Variants in TENM2 observed in about 807,000 individuals in gnomAD.
TENM2 encodes the protein teneurin transmembrane protein 2.
Under a neutral mutation model 245.2 loss-of-function variants are expected in TENM2, and 52 were observed. The ratio of observed to expected loss-of-function variants is 0.21; its 90% confidence interval spans 0.17 to 0.27. TENM2 has a LOEUF of 0.27. TENM2 is among the 10% of genes least tolerant of loss of function. The probability of loss-of-function intolerance (pLI) is 1.00; values close to 1 mark genes in which losing one functional copy is unlikely to be tolerated. For missense variants in TENM2, 3,046 were observed against 3,666.8 expected (o/e 0.83, Z 4.37); for synonymous variants, 1,363 against 1,438.9 (o/e 0.95, Z 1.19).
chr5:167,559,822 G>A (rs10051918), intron 2 of TENM2, among the ~76,000 whole-genome samples: 4,874 of 152,260 alleles, frequency 0.032, 271 homozygotes, highest in African/African-American at 0.11. Flanking sequence ...TATGTTCAAT[G>A]GGTAGGTGTT....
intron 25 of TENM2, chr5:168,230,763 C>G (rs1035519850): frequency 6.6e-6 from 1 of 152,152 alleles, no homozygotes; most frequent in South Asian, 2.1e-4. Context: ...AACAAGGAGA[C>G]TCTAGAGAGA....
At chr5:167,927,425 C>G (rs904773846) in intron 3 of TENM2, among the ~76,000 whole-genome samples, 2 of 152,186 alleles carry the variant, frequency 1.3e-5, no homozygotes, top group Non-Finnish European at 2.9e-5. Flanking sequence ...ACATGTGATT[C>G]TGCACATCTT....
At chr5:168,063,086 G>C (rs1417016696) in intron 7 of TENM2, among the ~76,000 whole-genome samples, 1 of 152,192 alleles carries the variant, frequency 6.6e-6, no homozygotes, top group Admixed American at 6.5e-5. Context: ...ACTAGGTTTA[G>C]GGGTTAATCA....
intron 9 of TENM2, among the ~76,000 whole-genome samples, chr5:168,113,958 C>T (rs1794873714): frequency 6.6e-6 from 1 of 152,170 alleles, no homozygotes; most frequent in South Asian, 2.1e-4. Context: ...CCCTCCCACA[C>T]CAGAAAAGAC....
At chr5:167,883,225 T>TAA in intron 3 of TENM2, among the ~76,000 whole-genome samples, 1 of 152,188 alleles carries the variant, frequency 6.6e-6, no homozygotes, top group East Asian at 1.9e-4. Context: ...CCTGGCCTCC[T>TAA]AAACAAGGTC....
At chr5:167,080,021 A>G in the TENM2 span, among the ~76,000 whole-genome samples, 2 of 152,242 alleles carry the variant, frequency 1.3e-5, no homozygotes, top group Admixed American at 1.3e-4. Context: ...AAGTTCAGAC[A>G]GACAGCTTTT....
chr5:167,832,378 C>G (rs562387507), intron 2 of TENM2, among the ~76,000 whole-genome samples: 1 of 152,352 alleles, frequency 6.6e-6, no homozygotes, highest in African/African-American at 2.4e-5. Flanking sequence ...ACACGCTTGT[C>G]TGTGTAGACC....
chr5:168,132,251 T>A (rs1449926901), intron 12 of TENM2, among the ~76,000 whole-genome samples: 1 of 152,168 alleles, frequency 6.6e-6, no homozygotes, highest in Non-Finnish European at 1.5e-5. Context: ...AGCAAGAGTC[T>A]CATCACTGGA....
intron 2 of TENM2, among the ~76,000 whole-genome samples, chr5:167,714,527 A>G (rs906090540): frequency 6.6e-6 from 1 of 152,192 alleles, no homozygotes; most frequent in Non-Finnish European, 1.5e-5. Flanking sequence ...CTTGTTTTGC[A>G]TGCACCTGGG....
At chr5:167,635,955 TAAGATCACACAC>T (rs1779185733) in intron 2 of TENM2, among the ~76,000 whole-genome samples, 2 of 152,002 alleles carry the variant, frequency 1.3e-5, no homozygotes, top group East Asian at 3.9e-4. Flanking sequence ...AGTCTTTTCT[TAAGATCACACAC>T]TTAACTTTAT....
chr5:167,196,907 T>G, the TENM2 span, among the ~76,000 whole-genome samples: 1 of 151,976 alleles, frequency 6.6e-6, no homozygotes, highest in East Asian at 1.9e-4. Flanking sequence ...TTCCTGGAAC[T>G]AATCTCCAGC....
At chr5:167,448,581 TG>T (rs1395739517) in intron 2 of TENM2, among the ~76,000 whole-genome samples, 1 of 150,500 alleles carries the variant, frequency 6.6e-6, no homozygotes, top group Non-Finnish European at 1.5e-5. Flanking sequence ...TTCAGCTTTT[TG>T]TTAGATAAAA....
chr5:167,050,282 A>G, the TENM2 span, among the ~76,000 whole-genome samples: 1 of 152,158 alleles, frequency 6.6e-6, no homozygotes, highest in Non-Finnish European at 1.5e-5. Context: ...ACATTCTCAT[A>G]AGAACCACGG....
intron 5 of TENM2, among the ~76,000 whole-genome samples, chr5:168,031,867 G>A (rs915928573): frequency 3.2e-4 from 48 of 152,114 alleles, no homozygotes; most frequent in Non-Finnish European, 5.7e-4. Context: ...AAGCCTCACA[G>A]CTACTAAAAA....
chr5:168,085,949 G>T (rs760412937), intron 7 of TENM2, among the ~76,000 whole-genome samples: 11 of 152,212 alleles, frequency 7.2e-5, no homozygotes, highest in South Asian at 2.1e-4. Context: ...GAGGGGAGTG[G>T]CAGGCTTCCC....
At chr5:168,028,812 A>T (rs1365771282) in intron 5 of TENM2, among the ~76,000 whole-genome samples, 1 of 151,946 alleles carries the variant, frequency 6.6e-6, no homozygotes, top group East Asian at 1.9e-4. Flanking sequence ...AAAAAAAAAA[A>T]AAAAAATGGG....
chr5:167,686,898 A>T (rs182142507), intron 2 of TENM2, among the ~76,000 whole-genome samples: 1 of 152,334 alleles, frequency 6.6e-6, no homozygotes, highest in Admixed American at 6.5e-5. Context: ...TTGGTGAAAT[A>T]ATTCACCGAG....
intron 27 of TENM2, among the ~76,000 whole-genome samples, chr5:168,257,479 G>T (rs1276453630): frequency 6.6e-6 from 1 of 152,236 alleles, no homozygotes; most frequent in Non-Finnish European, 1.5e-5. Context: ...GCGAGGGAGA[G>T]CATGGGAGAT....
At chr5:168,139,370 T>C (rs1755336981) in intron 12 of TENM2, 4 of 418,178 alleles carry the variant, frequency 9.6e-6, no homozygotes, top group Non-Finnish European at 1.9e-5. Flanking sequence ...TCTCATCTTC[T>C]CTTAGCTATA....
Sources: gnomAD v4.1 joint callset for allele counts (sites outside exome capture counted in the v4.1 genomes callset) on GRCh38, gnomAD v4.1.1 for gene constraint, MANE v1.5 for transcripts, NCBI Gene and HGNC (gene_info 2026-07-23, HGNC 2026-07-21) for gene names.